The following IFIH1 variants were observed in gnomAD, a reference collection of about 807,000 sequenced individuals.
The protein encoded by IFIH1 is interferon induced with helicase C domain 1.
Under a neutral mutation model 107.4 loss-of-function variants are expected in IFIH1, and 125 were observed. The ratio of observed to expected loss-of-function variants is 1.16; its 90% CI spans 1.01 to 1.35. The LOEUF is 1.35. IFIH1 is among the 40% of genes most tolerant of loss of function. The probability of loss-of-function intolerance (pLI) is 0.00; values close to 1 mark genes in which losing one functional copy is unlikely to be tolerated. For missense variants in IFIH1, 1,333 were observed against 1,213.7 expected, an observed-to-expected ratio of 1.10 and a Z score of -1.46; for synonymous variants, 458 against 413.2, an observed-to-expected ratio of 1.11 and a Z score of -1.31.
At chr2:162,292,528 G>T (rs1683012334) in intron 4 of IFIH1, among the ~76,000 whole-genome samples, 1 of 151,806 alleles carries the variant, frequency 6.6e-6, no homozygotes, top group South Asian at 2.1e-4. Flanking sequence ...ATTTAGGATT[G>T]ATGACAATCT....
intron 5 of IFIH1, among the ~76,000 whole-genome samples, chr2:162,285,039 T>C (rs1309894927): frequency 2.0e-5 from 3 of 151,988 alleles, no homozygotes; most frequent in Non-Finnish European, 2.9e-5. Context: ...GACTTCCTAC[T>C]GAAGGACACA....
Position 162,267,137 on chromosome 2 carries a change from C to A in IFIH1, c.*63G>T. On this transcript the variant is annotated 3_prime_UTR_variant, in exon 16 of 16. Transcript: ENST00000649979. Reference sequence around the variant, plus strand: ...TGTCAGTTCTGTAGCATAATGAATACATTAATCATAATCATATTAAATGTT... The same window carrying A: ...TGTCAGTTCTGTAGCATAATGAATAAATTAATCATAATCATATTAAATGTT... 8.6e-7 allele frequency: 1 copy of A among 1,168,406 alleles called. No homozygotes were observed. The highest frequency in any genetic ancestry group is 1.2e-6 in the Non-Finnish European group (1 of 821,518). 72.4% of individuals were successfully genotyped at this position (1,168,406 alleles called of 1,614,324 possible).
intron 3 of IFIH1, among the ~76,000 whole-genome samples, chr2:162,304,940 C>A (rs531246118): frequency 6.6e-6 from 1 of 152,092 alleles, no homozygotes; most frequent in African/African-American, 2.4e-5. Context: ...CCAGAAATTC[C>A]AATTATATAA....
At chr2:162,314,654 A>T (rs1683455623) in intron 1 of IFIH1, among the ~76,000 whole-genome samples, 1 of 151,108 alleles carries the variant, frequency 6.6e-6, no homozygotes, top group South Asian at 2.1e-4. Flanking sequence ...CACCCAGCTA[A>T]TTTTTTTGTA....
chr2:162,303,091 G>A (rs1683219162), intron 3 of IFIH1, among the ~76,000 whole-genome samples: 1 of 152,116 alleles, frequency 6.6e-6, no homozygotes, highest in Non-Finnish European at 1.5e-5. Context: ...TCCCTCAGTG[G>A]AAAGCTCCAT....
intron 4 of IFIH1, among the ~76,000 whole-genome samples, chr2:162,289,878 T>G (rs1682966424): frequency 6.6e-6 from 1 of 151,964 alleles, no homozygotes; most frequent in African/African-American, 2.4e-5. Flanking sequence ...TCCATGCTTG[T>G]TTTGAACTCT....
chr2:162,298,613 C>T (rs1020879345), intron 3 of IFIH1, among the ~76,000 whole-genome samples: 1 of 152,160 alleles, frequency 6.6e-6, no homozygotes, highest in African/African-American at 2.4e-5. Flanking sequence ...AACATGTGTG[C>T]ACGTTTGGGC....
At chr2:162,309,735 AT>A (rs1034252764) in intron 2 of IFIH1, among the ~76,000 whole-genome samples, 1 of 152,192 alleles carries the variant, frequency 6.6e-6, no homozygotes, top group Non-Finnish European at 1.5e-5. Context: ...TTTTCCAGAT[AT>A]TTAAATTTTG....
intron 12 of IFIH1, among the ~76,000 whole-genome samples, chr2:162,273,155 T>C (rs2105192872): frequency 6.6e-6 from 1 of 152,314 alleles, no homozygotes; most frequent in African/African-American, 2.4e-5. Flanking sequence ...GTTAATTTTA[T>C]AGGAAGAATA....
chr2:162,307,630 T>G (rs946860132), intron 2 of IFIH1, among the ~76,000 whole-genome samples: 3 of 152,220 alleles, frequency 2.0e-5, no homozygotes, highest in Non-Finnish European at 4.4e-5. Flanking sequence ...GAAGCTGCAA[T>G]CTGTCAGAGA....
intron 13 of IFIH1, among the ~76,000 whole-genome samples, chr2:162,269,769 C>A (rs13408115): frequency 0.094 from 14,266 of 152,206 alleles, 2,273 homozygotes; most frequent in African/African-American, 0.33. Context: ...TCTAACTCTA[C>A]ATTTTAGATC....
chr2:162,288,488 T>G (rs1682935761), intron 4 of IFIH1, 133 bp from the exon 5 acceptor site: 1 of 635,388 alleles, frequency 1.6e-6, no homozygotes, highest in South Asian at 2.0e-5. Context: ...TCATTTTCTC[T>G]TTTCTGTACC....
In IFIH1 at chr2:162,306,763, CCCAGACCTCCTTCT is replaced by C. The variant is rs1683288171; in HGVS notation, c.701_714del (p.Glu234GlyfsTer5). 1 of 1,613,716 alleles carries C rather than the reference CCCAGACCTCCTTCT, an allele frequency of 6.2e-7. No individual in the cohort carries two copies. Among genetic ancestry groups the C allele is most frequent in the Non-Finnish European group, 8.5e-7 (1 of 1,179,884 alleles). On this transcript the variant is annotated frameshift_variant, in exon 3 of 16. Transcript: ENST00000649979. LOFTEE classifies it high-confidence loss of function. Reference sequence around the variant, plus strand: ...GATTCTGATGAGTTATTCTCCATGCCCCAGACCTCCTTCTCCAGATTTGGCTGAACTGTGGTTGA... The same window carrying C: ...GATTCTGATGAGTTATTCTCCATGCCCCAGATTTGGCTGAACTGTGGTTGA...
intron 5 of IFIH1, 122 bp from the exon 6 acceptor site, chr2:162,282,698 C>T: frequency 1.6e-6 from 1 of 625,108 alleles, no homozygotes. Context: ...GTGAATCAGG[C>T]ATAACAACGT....
At chr2:162,316,118 T>C (rs1312073019) in intron 1 of IFIH1, among the ~76,000 whole-genome samples, 1 of 152,194 alleles carries the variant, frequency 6.6e-6, no homozygotes, top group Non-Finnish European at 1.5e-5. Context: ...CTGGCGGAAA[T>C]TCAATCCAGG....
rs776028218 is a variant in IFIH1 at position 162,267,482 on chromosome 2, G to C, written c.2895C>G (p.Gly965=). The C allele has an allele frequency of 6.2e-7, 1 of 1,613,208 alleles. No homozygotes were observed. The highest frequency in any genetic ancestry group is 2.2e-5 in the East Asian group (1 of 44,860). ...QINGEIICKC[G]QAWGTMMVHK... ...TGGCCCACAGCAATTTACTCACCTG[G>C]CCACATTTGCAGATGATTTCACCAT... The change falls in exon 15 of 16, where the codon GGC becomes GGG. Residue 965 remains glycine (G), a synonymous_variant. Transcript: ENST00000649979.
intron 14 of IFIH1, 53 bp downstream of exon 14, chr2:162,268,034 A>G: frequency 7.8e-7 from 1 of 1,281,180 alleles, no homozygotes. Flanking sequence ...TTTACAATGC[A>G]ACCTGCTTCA....
At chr2:162,302,146 T>C (rs7559103) in intron 3 of IFIH1, among the ~76,000 whole-genome samples, 5,659 of 152,110 alleles carry the variant, frequency 0.037, 346 homozygotes, top group African/African-American at 0.13. Context: ...TTAAAATTAG[T>C]TTCAAGGTGG....
chr2:162,315,768 C>T (rs944373031), intron 1 of IFIH1, among the ~76,000 whole-genome samples: 20 of 152,212 alleles, frequency 1.3e-4, no homozygotes, highest in African/African-American at 1.7e-4. Context: ...ATGACCACCA[C>T]CTCAATATAG....
Sources: gnomAD v4.1 joint callset for allele counts (sites outside exome capture counted in the v4.1 genomes callset) on GRCh38, gnomAD v4.1.1 for gene constraint, MANE v1.5 for transcripts, NCBI Gene and HGNC (gene_info 2026-07-23, HGNC 2026-07-21) for gene names.